Variants in OR1D2 observed in about 807,000 individuals in gnomAD.
OR1D2 encodes the protein olfactory receptor 1D2.
For missense variants in OR1D2, 357 were observed against 376.1 expected (o/e 0.95, Z 0.42); for synonymous variants, 157 against 153.9 (o/e 1.02, Z -0.15).
At position 3,091,626 on chromosome 17, in the gene OR1D2, G is replaced by A. The variant is rs567671696; in HGVS notation, c.*432C>T. ...CCACCTGTCGAGGTCTATATCACGT[G>A]CTGGATCAGCTGATACAAATATGTA... On this transcript the variant is annotated 3_prime_UTR_variant, in exon 2 of 2. Transcript: ENST00000641833. 3 of 168,748 alleles carry A rather than the reference G, an allele frequency of 1.8e-5. No homozygotes were observed. Among genetic ancestry groups the A allele is most frequent in the African/African-American group, 7.2e-5 (3 of 41,802 alleles). The allele number at this position is 168,748 out of a possible 1,614,324, so 10.5% of individuals were successfully genotyped here. A position where few individuals can be genotyped will look rare whatever the true frequency, so the allele number is the denominator to read the frequency against.
At chr17:3,096,799 G>T (rs932074444) in intron 1 of OR1D2, among the ~76,000 whole-genome samples, 1 of 151,008 alleles carries the variant, frequency 6.6e-6, no homozygotes, top group Non-Finnish European at 1.5e-5. Flanking sequence ...TTTCAATAAT[G>T]GATAGAACAA....
At position 3,091,957 on chromosome 17, in the gene OR1D2, G is replaced by A. The variant is rs2047811836; in HGVS notation, c.*101C>T. Reference sequence around the variant, plus strand: ...ATCTATATGCTGTCTCTGAGCTGGAGCCATGTCCCAATCACTGCTGTATAA... The same window carrying A: ...ATCTATATGCTGTCTCTGAGCTGGAACCATGTCCCAATCACTGCTGTATAA... On this transcript the variant is annotated 3_prime_UTR_variant, in exon 2 of 2. Transcript: ENST00000641833. The A allele has an allele frequency of 1.2e-6, 1 of 866,960 alleles. No homozygotes were observed. Among genetic ancestry groups the A allele is most frequent in the Admixed American group, 2.4e-5 (1 of 42,066 alleles). The allele number at this position is 866,960 out of a possible 1,614,324, so 53.7% of individuals were successfully genotyped here.
chr17:3,094,452 G>A (rs2047833490), intron 1 of OR1D2, among the ~76,000 whole-genome samples: 1 of 152,050 alleles, frequency 6.6e-6, no homozygotes, highest in African/African-American at 2.4e-5. Context: ...ATGCGGTCAG[G>A]GAAAGAGTAA....
intron 1 of OR1D2, among the ~76,000 whole-genome samples, chr17:3,095,283 C>T (rs1297664291): frequency 2.0e-5 from 3 of 151,864 alleles, no homozygotes; most frequent in Non-Finnish European, 4.4e-5. Context: ...TTTTTACTTA[C>T]AAAGGAAGCC....
chr17:3,102,283 C>G (rs1024980263), intron 1 of OR1D2, among the ~76,000 whole-genome samples: 2 of 151,974 alleles, frequency 1.3e-5, no homozygotes, highest in African/African-American at 4.8e-5. Context: ...TATGGCAGTC[C>G]TAGCATTCAT....
intron 1 of OR1D2, among the ~76,000 whole-genome samples, chr17:3,103,836 T>C (rs2151709352): frequency 6.6e-6 from 1 of 152,120 alleles, no homozygotes; most frequent in South Asian, 2.1e-4. Context: ...CCTGCCTAAA[T>C]CCCCTCTTCT....
In OR1D2 at chr17:3,095,431, A is replaced by T. The variant is rs1003727044; in HGVS notation, c.-50-2385T>A. On this transcript the variant is annotated intron_variant, in intron 1 of 1. Coordinates refer to ENST00000641833, the MANE Select transcript of OR1D2 (RefSeq NM_002548.3). ...AGCAAAACTATCTTTAAAAGAATGA[A>T]GGCCAAATAAAGATTATCTCAGGTG... Among the ~76,000 whole-genome samples the T allele has an allele frequency of 2.6e-5, 4 of 152,264 alleles. No homozygotes were observed. In the South Asian group the frequency reaches 8.3e-4, roughly 31 times the overall value.
At position 3,089,002 on chromosome 17, in the gene OR1D2, T is replaced by G. The variant is rs2151705853; in HGVS notation, c.*3056A>C. 6.6e-6 allele frequency: 1 copy of G among 152,326 alleles called. No homozygotes were observed. Among genetic ancestry groups the G allele is most frequent in the Non-Finnish European group, 1.5e-5 (1 of 68,020 alleles). The allele number at this position is 152,326 out of a possible 1,614,324, so 9.4% of individuals were successfully genotyped here. Reference sequence around the variant, plus strand: ...TGGCAATTCAGAGATTTCTTCTTGGTTTGGATCCATTGCTGGTGAGCTAGT... The same window carrying G: ...TGGCAATTCAGAGATTTCTTCTTGGGTTGGATCCATTGCTGGTGAGCTAGT... On this transcript the variant is annotated 3_prime_UTR_variant, in exon 2 of 2. Transcript: ENST00000641833.
intron 1 of OR1D2, among the ~76,000 whole-genome samples, chr17:3,095,723 TATAAC>T (rs1316701248): frequency 1.4e-4 from 21 of 152,124 alleles, no homozygotes; most frequent in Admixed American, 1.2e-3. Context: ...TGTTTTTTCT[TATAAC>T]TTATTTAAAC....
At position 3,089,346 on chromosome 17, in the gene OR1D2, T is replaced by A. The variant is rs2097944868; in HGVS notation, c.*2712A>T. The stretch of plus-strand genomic sequence containing the variant: ...TGTGATGTGATCTGTCTTCAGTCCC[T>A]CAGGCATGGATACCAGTGCCTGGTC... On this transcript the variant is annotated 3_prime_UTR_variant, in exon 2 of 2. Transcript: ENST00000641833. 2 of 152,328 alleles carry A rather than the reference T, an allele frequency of 1.3e-5. No individual in the cohort carries two copies. The highest frequency in any genetic ancestry group is 2.9e-5 in the Non-Finnish European group (2 of 68,148). 9.4% of individuals were successfully genotyped at this position (152,328 alleles called of 1,614,324 possible).
chr17:3,101,928 G>A (rs1240146854), intron 1 of OR1D2, among the ~76,000 whole-genome samples: 1 of 152,128 alleles, frequency 6.6e-6, no homozygotes, highest in Non-Finnish European at 1.5e-5. Flanking sequence ...TTGCTACAAA[G>A]AGAATGCTCC....
At position 3,093,063 on chromosome 17, in the gene OR1D2, C is replaced by T; in HGVS notation, c.-50-17G>A. 1 of 1,408,704 alleles carries T rather than the reference C, an allele frequency of 7.1e-7. No homozygotes were observed. The allele number at this position is 1,408,704 out of a possible 1,614,324, so 87.3% of individuals were successfully genotyped here. A position where few individuals can be genotyped will look rare whatever the true frequency, so the allele number is the denominator to read the frequency against. On this transcript the variant is annotated splice_polypyrimidine_tract_variant and intron_variant, in intron 1 of 1. Transcript: ENST00000641833. ...CCAAAAGTCCTTAATTGAATAAAAA[C>T]ATGAAGATAAGCAAAATCAACATTT... is the stretch of plus-strand genomic sequence containing the variant.
At chr17:3,095,393 G>A (rs1338708383) in intron 1 of OR1D2, among the ~76,000 whole-genome samples, 1 of 152,042 alleles carries the variant, frequency 6.6e-6, no homozygotes, top group East Asian at 1.9e-4. Flanking sequence ...CATCAAGTAA[G>A]AGTCTAATAT....
Position 3,091,836 on chromosome 17 carries a change from A to G in OR1D2, c.*222T>C. The stretch of plus-strand genomic sequence containing the variant: ...ACATTGAAGAATTTGACCCTGCAAC[A>G]TTCTAGTGTTGGTGTTAGTGTGACC... On this transcript the variant is annotated 3_prime_UTR_variant, in exon 2 of 2. Transcript: ENST00000641833. 2.1e-6 allele frequency: 1 copy of G among 475,640 alleles called. No homozygotes were observed. The highest frequency in any genetic ancestry group is 3.8e-6 in the Non-Finnish European group (1 of 265,528). 29.5% of individuals were successfully genotyped at this position (475,640 alleles called of 1,614,324 possible).
chr17:3,097,437 G>A (rs1160963972), intron 1 of OR1D2, among the ~76,000 whole-genome samples: 1 of 152,210 alleles, frequency 6.6e-6, no homozygotes, highest in Non-Finnish European at 1.5e-5. Context: ...CGTATGCTGA[G>A]AAAGCTCTAA....
chr17:3,099,235 C>T (rs1441435291), intron 1 of OR1D2, among the ~76,000 whole-genome samples: 1 of 152,036 alleles, frequency 6.6e-6, no homozygotes, highest in Middle Eastern at 3.2e-3. Flanking sequence ...ATCAGGTTCT[C>T]CAAGGTCAAA....
At chr17:3,095,068 A>T (rs1240070291) in intron 1 of OR1D2, among the ~76,000 whole-genome samples, 1 of 152,122 alleles carries the variant, frequency 6.6e-6, no homozygotes, top group Non-Finnish European at 1.5e-5. Flanking sequence ...GTGCTGAAGG[A>T]CAGGAGAGAG....
rs141900358 is a variant in OR1D2 at position 3,100,900 on chromosome 17, G to A, written c.-51+3199C>T. On this transcript the variant is annotated intron_variant, in intron 1 of 1. Transcript: ENST00000641833. ...CAGAGAATACTATAAATACCCCTAC[G>A]CAAATAAACTAGAAAATCTAGAAGA... 6.3e-3 allele frequency among the ~76,000 whole-genome samples: 952 copies of A among 152,150 alleles called. 8 individuals are homozygous for A. The highest frequency in any genetic ancestry group is 7.7e-3 in the Non-Finnish European group (521 of 67,986).
intron 1 of OR1D2, among the ~76,000 whole-genome samples, chr17:3,097,578 G>T (rs563424972): frequency 1.3e-5 from 2 of 152,256 alleles, no homozygotes; most frequent in South Asian, 4.1e-4. Flanking sequence ...CCATGCCACT[G>T]GTGCCTAGGG....
Sources: gnomAD v4.1 joint callset for allele counts (sites outside exome capture counted in the v4.1 genomes callset) on GRCh38, gnomAD v4.1.1 for gene constraint, MANE v1.5 for transcripts, NCBI Gene and HGNC (gene_info 2026-07-23, HGNC 2026-07-21) for gene names.